DMGDH: variants seen among roughly 807,000 people sequenced by gnomAD.
DMGDH encodes the protein dimethylglycine dehydrogenase.
A neutral mutation model predicts 95.2 loss-of-function variants in DMGDH; 76 were observed. The ratio of observed to expected loss-of-function variants is 0.80; its 90% CI spans 0.66 to 0.97. The LOEUF is 0.97. DMGDH is among the 50% of genes least tolerant of loss of function. The pLI is 0.00. For missense variants in DMGDH, 987 were observed against 1,055.0 expected (o/e 0.94, Z 0.89); for synonymous variants, 345 against 377.6 (o/e 0.91, Z 1.00).
intron 5 of DMGDH, among the ~76,000 whole-genome samples, chr5:79,048,916 G>C (rs1304582465): frequency 1.3e-5 from 2 of 152,032 alleles, no homozygotes; most frequent in Admixed American, 6.6e-5. Flanking sequence ...ATGAGATAAA[G>C]AATTGAGATA....
intron 14 of DMGDH, among the ~76,000 whole-genome samples, chr5:79,010,541 T>C (rs1315970115): frequency 1.3e-5 from 2 of 152,200 alleles, no homozygotes; most frequent in Non-Finnish European, 2.9e-5. Context: ...CTCTATACAA[T>C]TGGTGATGAT....
intron 7 of DMGDH, among the ~76,000 whole-genome samples, chr5:79,039,485 C>T (rs911823486): frequency 1.3e-5 from 2 of 152,076 alleles, no homozygotes; most frequent in Non-Finnish European, 2.9e-5. Flanking sequence ...CATATTCTCA[C>T]TCGTAGGTCG....
At chr5:79,065,314 C>T (rs1316017904) in intron 1 of DMGDH, among the ~76,000 whole-genome samples, 3 of 150,330 alleles carry the variant, frequency 2.0e-5, no homozygotes, top group African/African-American at 7.3e-5. Context: ...AAGGTTGAAG[C>T]GATTCTTGTG....
chr5:79,019,899 G>A (rs1385387384), intron 14 of DMGDH, among the ~76,000 whole-genome samples: 1 of 152,014 alleles, frequency 6.6e-6, no homozygotes, highest in East Asian at 1.9e-4. Flanking sequence ...AAAATAGTTA[G>A]ATAGACAGAT....
chr5:78,998,801 G>C (rs535144122), intron 15 of DMGDH, among the ~76,000 whole-genome samples: 3 of 152,280 alleles, frequency 2.0e-5, no homozygotes, highest in Admixed American at 6.5e-5. Context: ...AGTGAGCTGA[G>C]ATCTGGCCAC....
chr5:79,037,277 G>A (rs942031904), intron 7 of DMGDH, among the ~76,000 whole-genome samples: 3 of 152,294 alleles, frequency 2.0e-5, no homozygotes, highest in African/African-American at 7.2e-5. Context: ...GAGAGGTATA[G>A]GAGATAAAAA....
chr5:79,046,272 A>G (rs1340380167), intron 5 of DMGDH, among the ~76,000 whole-genome samples: 1 of 151,870 alleles, frequency 6.6e-6, no homozygotes, highest in Non-Finnish European at 1.5e-5. Flanking sequence ...TTTTTAGTAG[A>G]CGAGATTTCA....
At chr5:79,061,098 C>A (rs539755361) in intron 2 of DMGDH, among the ~76,000 whole-genome samples, 157 of 151,946 alleles carry the variant, frequency 1.0e-3, no homozygotes, top group African/African-American at 3.6e-3. Context: ...TCGTGCACAG[C>A]TGTGGTCCCA....
At chr5:79,019,453 C>A (rs1452685102) in intron 14 of DMGDH, among the ~76,000 whole-genome samples, 3 of 136,154 alleles carry the variant, frequency 2.2e-5, no homozygotes, top group African/African-American at 9.1e-5. Flanking sequence ...TCAATATTCA[C>A]TGCATTAAAA....
chr5:79,066,027 A>T (rs898504744), intron 1 of DMGDH, among the ~76,000 whole-genome samples: 2 of 152,208 alleles, frequency 1.3e-5, no homozygotes, highest in Non-Finnish European at 2.9e-5. Context: ...TTCTTTTGCT[A>T]GTTTGGTAAG....
chr5:79,049,588 T>C (rs1754776774), intron 5 of DMGDH, among the ~76,000 whole-genome samples: 1 of 152,318 alleles, frequency 6.6e-6, no homozygotes, highest in Non-Finnish European at 1.5e-5. Flanking sequence ...CATGAGACTA[T>C]AGAAAAAGTT....
intron 10 of DMGDH, 129 bp from the exon 11 acceptor site, chr5:79,030,163 G>C: frequency 3.9e-6 from 3 of 779,026 alleles, no homozygotes; most frequent in Non-Finnish European, 6.1e-6. Context: ...TGTGTCAATC[G>C]TATGAATTAT....
chr5:79,030,651 A>T (rs1754138063), intron 10 of DMGDH, 182 bp downstream of exon 10: 8 of 403,554 alleles, frequency 2.0e-5, no homozygotes, highest in Non-Finnish European at 3.3e-5. Context: ...GTCTCTCAAA[A>T]AAAAAAAAAA....
rs185451952 is a variant in DMGDH at position 79,051,603 on chromosome 5, G to A, written c.541-112C>T. ...AAACTGGACTTCAAAAGTGTTTCTT[G>A]ATCTGGAAAGTGACTGGGTCCCTGA... On this transcript the variant is annotated intron_variant, in intron 4 of 15. Transcript: ENST00000255189. The A allele has an allele frequency of 5.2e-4, 533 of 1,016,856 alleles. 3 individuals are homozygous for A. The highest frequency in any genetic ancestry group is 6.5e-4 in the South Asian group (46 of 70,458). 63.0% of individuals were successfully genotyped at this position (1,016,856 alleles called of 1,614,324 possible).
chr5:79,025,598 G>T (rs1230959439), intron 13 of DMGDH, among the ~76,000 whole-genome samples: 1 of 152,212 alleles, frequency 6.6e-6, no homozygotes, highest in Non-Finnish European at 1.5e-5. Flanking sequence ...AAAGTAAACA[G>T]AAGTTCTGGA....
intron 13 of DMGDH, among the ~76,000 whole-genome samples, chr5:79,025,035 G>T (rs909205811): frequency 2.6e-5 from 4 of 152,178 alleles, no homozygotes; most frequent in African/African-American, 9.7e-5. Flanking sequence ...GACGTAAAAC[G>T]TTGCCTCATA....
At position 79,044,363 on chromosome 5, in the gene DMGDH, T is replaced by C. The variant is rs1754604563; in HGVS notation, c.935A>G (p.Tyr312Cys). The C allele has an allele frequency of 1.9e-6, 3 of 1,614,074 alleles. No individual in the cohort carries two copies. Among genetic ancestry groups the C allele is most frequent in the Admixed American group, 1.7e-5 (1 of 60,006 alleles). Residue 312 changes from tyrosine to cysteine, a missense_variant, in exon 6 of 16, where the codon TAT (tyrosine) becomes TGT (cysteine). Tyr to Cys is a radical substitution (Grantham distance 194). Coordinates refer to ENST00000255189, the MANE Select transcript of DMGDH (RefSeq NM_013391.3). Reference protein sequence around the residue: ...QERDGLLFGPYESQEKMKVQD... With the variant: ...QERDGLLFGPCESQEKMKVQD... ...AACTTTCATTTTCTCTTGACTTTCA[T>C]ATGGACCAAACAAAAGCCCATCCCT... is the stretch of plus-strand genomic sequence containing the variant.
At position 79,030,048 on chromosome 5, in the gene DMGDH, T is replaced by A. The variant is rs1253889990; in HGVS notation, c.1684-14A>T. On this transcript the variant is annotated splice_polypyrimidine_tract_variant and intron_variant, in intron 10 of 15. Coordinates refer to ENST00000255189, the MANE Select transcript of DMGDH (RefSeq NM_013391.3). ...TGTAAAACCCACCTACATAAAAAAA[T>A]TAAAAATTACCTTAGGATGAACTAA... 2 of 1,608,924 alleles carry A rather than the reference T, an allele frequency of 1.2e-6. No individual in the cohort carries two copies. The highest frequency in any genetic ancestry group is 1.7e-5 in the Admixed American group (1 of 59,196).
At chr5:79,029,139 T>C (rs1044743507) in intron 11 of DMGDH, among the ~76,000 whole-genome samples, 2 of 152,164 alleles carry the variant, frequency 1.3e-5, no homozygotes, top group African/African-American at 2.4e-5. Context: ...TGATGAGTTA[T>C]TGGGACCCAG....
Sources: allele counts gnomAD v4.1 joint callset (sites outside exome capture counted in the v4.1 genomes callset), GRCh38; gene constraint gnomAD v4.1.1; transcripts MANE v1.5; gene names NCBI Gene and HGNC (gene_info 2026-07-23, HGNC 2026-07-21).